Variants in MCPH1 observed in about 807,000 individuals in gnomAD.
The protein encoded by MCPH1 is microcephalin.
Under a neutral mutation model 84.5 loss-of-function variants are expected in MCPH1, and 104 were observed. That is an observed-to-expected ratio of 1.23 (90% CI 1.05 to 1.45). The LOEUF is 1.45. MCPH1 is among the 40% of genes most tolerant of loss of function. MCPH1 has a pLI of 0.00. For missense variants in MCPH1, 1,498 were observed against 1,005.7 expected (o/e 1.49, Z -6.62); for synonymous variants, 514 against 366.8 (o/e 1.40, Z -4.58).
intron 4 of MCPH1, 44 bp downstream of exon 4, chr8:6,431,630 A>T (rs371519943): frequency 7.7e-7 from 1 of 1,298,408 alleles, no homozygotes; most frequent in Non-Finnish European, 1.1e-6. Flanking sequence ...TTAGGAATTT[A>T]TTCGTTTTTA....
intron 12 of MCPH1, among the ~76,000 whole-genome samples, chr8:6,588,073 G>C (rs1201489742): frequency 6.6e-6 from 1 of 152,198 alleles, no homozygotes; most frequent in Non-Finnish European, 1.5e-5. Context: ...CCAAGTGAGC[G>C]TATATGGGGA....
intron 12 of MCPH1, among the ~76,000 whole-genome samples, chr8:6,525,967 A>G (rs898946033): frequency 5.3e-5 from 8 of 152,136 alleles, no homozygotes; most frequent in Admixed American, 2.6e-4. Context: ...AAGTGGGGAA[A>G]CAGTATTCAG....
At chr8:6,489,414 G>C (rs1279455270) in intron 11 of MCPH1, among the ~76,000 whole-genome samples, 5 of 152,114 alleles carry the variant, frequency 3.3e-5, no homozygotes, top group Non-Finnish European at 7.4e-5. Flanking sequence ...CAGGAAGGAA[G>C]GATGCTCAGC....
intron 12 of MCPH1, chr8:6,532,313 T>C (rs764031181): frequency 6.2e-7 from 1 of 1,613,976 alleles, no homozygotes; most frequent in Non-Finnish European, 8.5e-7. Context: ...CACCGTGTGC[T>C]TTATGTGGCA....
intron 12 of MCPH1, among the ~76,000 whole-genome samples, chr8:6,553,402 C>G (rs1475804267): frequency 2.0e-5 from 3 of 152,212 alleles, no homozygotes; most frequent in Non-Finnish European, 4.4e-5. Context: ...CTGATGGTTA[C>G]ATAGTTAAAA....
At chr8:6,550,424 G>T (rs919445259) in intron 12 of MCPH1, among the ~76,000 whole-genome samples, 1 of 152,220 alleles carries the variant, frequency 6.6e-6, no homozygotes, top group Non-Finnish European at 1.5e-5. Context: ...GCCGCTTGTT[G>T]CCCTGGCACC....
At chr8:6,538,566 AG>A (rs1820928677) in intron 12 of MCPH1, among the ~76,000 whole-genome samples, 1 of 152,130 alleles carries the variant, frequency 6.6e-6, no homozygotes, top group African/African-American at 2.4e-5. Context: ...TGGCTGTCCC[AG>A]CTGCCCAGCG....
rs1809872100 is a variant in MCPH1 at position 6,486,079 on chromosome 8, A to T, written c.2136+5203A>T. Among the ~76,000 whole-genome samples, 3 of 152,200 alleles carry T rather than the reference A, an allele frequency of 2.0e-5. No individual in the cohort carries two copies. In the South Asian group the frequency reaches 6.2e-4, roughly 32 times the overall value. ...ACAAACATAAGAAATTTGAGAGAGG[A>T]TAGTTGCCACCACCATTTACAAAGC... On this transcript the variant is annotated intron_variant, in intron 11 of 13. Coordinates refer to ENST00000344683, the MANE Select transcript of MCPH1 (RefSeq NM_024596.5).
chr8:6,549,216 C>G (rs1293829860), intron 12 of MCPH1, among the ~76,000 whole-genome samples: 1 of 152,202 alleles, frequency 6.6e-6, no homozygotes, highest in East Asian at 1.9e-4. Context: ...ACACAAATGT[C>G]AATCTACAGC....
At chr8:6,534,462 G>A (rs1820141252) in intron 12 of MCPH1, among the ~76,000 whole-genome samples, 1 of 152,054 alleles carries the variant, frequency 6.6e-6, no homozygotes, top group East Asian at 1.9e-4. Flanking sequence ...TTGTACTAGA[G>A]CTCCAAGCAT....
chr8:6,619,204 T>G (rs1000933238), intron 12 of MCPH1: 1 of 152,394 alleles, frequency 6.6e-6, no homozygotes, highest in East Asian at 1.9e-4. Flanking sequence ...GTCTTTGTTC[T>G]GCCAATAAAG....
intron 12 of MCPH1, among the ~76,000 whole-genome samples, chr8:6,554,863 C>CAGG (rs1824314652): frequency 6.6e-6 from 1 of 152,132 alleles, no homozygotes; most frequent in Admixed American, 6.6e-5. Flanking sequence ...GTCCAGTTCT[C>CAGG]AGGAGTTTTT....
rs899024116 is a variant in MCPH1, at chr8:6,496,829, G to A, written c.2137-3023G>A. Among the ~76,000 whole-genome samples, 14 of 152,174 alleles carry A rather than the reference G, an allele frequency of 9.2e-5. No individual in the cohort carries two copies. In the South Asian group the frequency reaches 1.9e-3, roughly 20 times the overall value. On this transcript the variant is annotated intron_variant, in intron 11 of 13. Transcript: ENST00000344683. ...CCAGTAGGGAGTCATTATTAAATGG[G>A]GTCATGTTTTCAAGCCCAACTTAAA... is the stretch of plus-strand genomic sequence containing the variant.
intron 12 of MCPH1, among the ~76,000 whole-genome samples, chr8:6,585,112 C>G (rs1409190267): frequency 3.3e-5 from 5 of 152,210 alleles, no homozygotes; most frequent in African/African-American, 4.8e-5. Context: ...CTGTATTTTT[C>G]TAATATTTTC....
Position 6,499,845 on chromosome 8 carries a change from C to G in MCPH1, c.2137-7C>G. 1 of 1,612,508 alleles carries G rather than the reference C, an allele frequency of 6.2e-7. No homozygotes were observed. Among genetic ancestry groups the G allele is most frequent in the Non-Finnish European group, 8.5e-7 (1 of 1,179,558 alleles). On this transcript the variant is annotated splice_polypyrimidine_tract_variant and splice_region_variant and intron_variant, in intron 11 of 13. Coordinates refer to ENST00000344683, the MANE Select transcript of MCPH1 (RefSeq NM_024596.5). ...TATAATAAATCTGCTTGTTGTGTCA[C>G]TTGCAGGTGCTATGGTCTTTAGAAT...
chr8:6,436,035 T>A lies in MCPH1; in HGVS notation c.322-13T>A. The stretch of plus-strand genomic sequence containing the variant: ...TGCAGTACAGCATTAATTTTTGTGT[T>A]CTTTTTGCACAGCGTAAATGTATGC... On this transcript the variant is annotated splice_polypyrimidine_tract_variant and intron_variant, in intron 4 of 13. Coordinates refer to ENST00000344683, the MANE Select transcript of MCPH1 (RefSeq NM_024596.5). The A allele has an allele frequency of 6.2e-7, 1 of 1,613,000 alleles. No individual in the cohort carries two copies. The highest frequency in any genetic ancestry group is 8.5e-7 in the Non-Finnish European group (1 of 1,179,470).
chr8:6,437,438 C>G (rs1317991592), intron 5 of MCPH1, among the ~76,000 whole-genome samples: 1 of 152,064 alleles, frequency 6.6e-6, no homozygotes, highest in East Asian at 1.9e-4. Context: ...ACCATGTTGG[C>G]CAGGATGATC....
chr8:6,430,336 G>A (rs1246317819), intron 3 of MCPH1, among the ~76,000 whole-genome samples: 1 of 152,136 alleles, frequency 6.6e-6, no homozygotes, highest in Non-Finnish European at 1.5e-5. Context: ...GGCACATGTC[G>A]TTTTGCTTCG....
chr8:6,483,734 C>T (rs1324990114), intron 11 of MCPH1, among the ~76,000 whole-genome samples: 1 of 152,148 alleles, frequency 6.6e-6, no homozygotes, highest in African/African-American at 2.4e-5. Context: ...GTGGCACCTG[C>T]CTGTAATCCC....
Sources: gnomAD v4.1 joint callset for allele counts (sites outside exome capture counted in the v4.1 genomes callset) on GRCh38, gnomAD v4.1.1 for gene constraint, MANE v1.5 for transcripts, NCBI Gene and HGNC (gene_info 2026-07-23, HGNC 2026-07-21) for gene names.